Variants in ENO4 observed in about 807,000 individuals in gnomAD.
ENO4 encodes the protein enolase 4, also known as 2-phospho-D-glycerate hydro-lyase.
A neutral mutation model predicts 63.2 loss-of-function variants in ENO4; 53 were observed. That is an observed-to-expected ratio of 0.84 (90% CI 0.67 to 1.05). The LOEUF is 1.05. Ranked by LOEUF, ENO4 falls within the 50% of genes least tolerant of loss-of-function variation. The pLI, the probability that ENO4 is intolerant of heterozygous loss-of-function variation, is 0.00. For missense variants in ENO4, 719 were observed against 772.0 expected, an observed-to-expected ratio of 0.93 and a Z score of 0.81; for synonymous variants, 266 against 283.8, an observed-to-expected ratio of 0.94 and a Z score of 0.63.
intron 10 of ENO4, among the ~76,000 whole-genome samples, chr10:116,904,178 C>T (rs542749502): frequency 1.5e-4 from 23 of 152,256 alleles, no homozygotes; most frequent in Admixed American, 1.4e-3. Context: ...GAAAACCACC[C>T]CAGAGATTCA....
intron 1 of ENO4, among the ~76,000 whole-genome samples, chr10:116,855,367 A>C (rs1159153547): frequency 6.6e-6 from 1 of 152,048 alleles, no homozygotes; most frequent in South Asian, 2.1e-4. Context: ...TGAGAGTTCA[A>C]CATACACCAA....
intron 9 of ENO4, 40 bp downstream of exon 9, chr10:116,871,332 C>T (rs1486279881): frequency 1.4e-6 from 2 of 1,479,344 alleles, no homozygotes; most frequent in Admixed American, 4.5e-5. Context: ...CTATTGAGAT[C>T]CATGATTTTT....
chr10:116,886,310 G>T, downstream of ENO4: 1 of 1,551,508 alleles, frequency 6.4e-7, no homozygotes, highest in Non-Finnish European at 8.7e-7. Context: ...TATTGAAAAG[G>T]ACTTCCAAAC....
rs1846390265 is a variant in ENO4, at chr10:116,860,859, G to A, written c.700G>A (p.Gly234Ser). The A allele has an allele frequency of 6.5e-7, 1 of 1,549,238 alleles. No individual in the cohort carries two copies. Among genetic ancestry groups the A allele is most frequent in the East Asian group, 2.4e-5 (1 of 40,890 alleles). Residue 234 changes from glycine to serine, a missense_variant, in exon 5 of 14, where the codon GGC (glycine) becomes AGC (serine). This residue lies in a region of ENO4 where 544 missense variants were observed against 583.6 expected (regional missense o/e 0.93). Transcript: ENST00000341276. Reference protein sequence around the residue: ...PAEPVEPVLSGSMAIGAVSLA... With the variant: ...PAEPVEPVLSSSMAIGAVSLA... ...AGAGCCTGTTGAGCCTGTACTCAGTGGCAGTATGGCCATAGGGGCCGTGTC... is the reference window on the plus strand; with the variant it reads ...AGAGCCTGTTGAGCCTGTACTCAGTAGCAGTATGGCCATAGGGGCCGTGTC...
At chr10:116,889,891 G>A (rs1161525554) in intron 10 of ENO4, among the ~76,000 whole-genome samples, 1 of 152,140 alleles carries the variant, frequency 6.6e-6, no homozygotes, top group Non-Finnish European at 1.5e-5. Flanking sequence ...GACATCACTA[G>A]GTCCACTCTT....
chr10:116,892,461 A>C (rs1847368405), intron 10 of ENO4, among the ~76,000 whole-genome samples: 1 of 152,202 alleles, frequency 6.6e-6, no homozygotes, highest in Non-Finnish European at 1.5e-5. Context: ...AAATCCACTC[A>C]GATTCCAGCT....
At chr10:116,868,389 C>T (rs1288416181) in intron 7 of ENO4, among the ~76,000 whole-genome samples, 2 of 152,172 alleles carry the variant, frequency 1.3e-5, no homozygotes, top group East Asian at 1.9e-4. Context: ...TGTACACACA[C>T]CCCATATATG....
chr10:116,898,119 G>A (rs558514732), intron 10 of ENO4, among the ~76,000 whole-genome samples: 2 of 152,212 alleles, frequency 1.3e-5, no homozygotes, highest in Admixed American at 6.5e-5. Flanking sequence ...CCTGAGGTCA[G>A]GAGTTCAAGA....
chr10:116,911,176 C>A (rs991555201), intron 10 of ENO4, among the ~76,000 whole-genome samples: 7 of 152,142 alleles, frequency 4.6e-5, no homozygotes, highest in African/African-American at 1.7e-4. Flanking sequence ...CTGGAGAGTG[C>A]AGTAGCCGCT....
At chr10:116,863,554 T>C (rs1463292304) in intron 7 of ENO4, among the ~76,000 whole-genome samples, 1 of 152,234 alleles carries the variant, frequency 6.6e-6, no homozygotes, top group Non-Finnish European at 1.5e-5. Context: ...GTCCTTTTTC[T>C]GTTCTAGGAT....
At position 116,859,230 on chromosome 10, in the gene ENO4, T is replaced by C. The variant is rs1846347138; in HGVS notation, c.634+92T>C. ...GGACTGCCTTTCTGAGTCTCTTGGC[T>C]ACAGGCCTACTTTGGGCTCACGGCT... On this transcript the variant is annotated intron_variant, in intron 4 of 13. Transcript: ENST00000341276. 12 of 1,383,140 alleles carry C rather than the reference T, an allele frequency of 8.7e-6. No individual in the cohort carries two copies. The South Asian group carries it at 1.9e-4, about 22-fold the overall frequency. The allele number at this position is 1,383,140 out of a possible 1,614,324, so 85.7% of individuals were successfully genotyped here.
intron 11 of ENO4, among the ~76,000 whole-genome samples, chr10:116,877,436 A>G (rs888124258): frequency 6.6e-6 from 1 of 152,206 alleles, no homozygotes; most frequent in Non-Finnish European, 1.5e-5. Flanking sequence ...AGGAGGGATC[A>G]GAATTTGGAA....
chr10:116,906,507 C>T (rs1847977013), intron 10 of ENO4: 1 of 1,010,910 alleles, frequency 9.9e-7, no homozygotes, highest in Middle Eastern at 2.6e-4. Flanking sequence ...ACTTCTCACT[C>T]ACATTAAAAA....
intron 10 of ENO4, among the ~76,000 whole-genome samples, chr10:116,899,647 T>G (rs764407551): frequency 1.3e-5 from 2 of 152,120 alleles, no homozygotes; most frequent in Non-Finnish European, 2.9e-5. Context: ...CAAGAGCCAA[T>G]AGCGCCACTC....
At chr10:116,880,632 G>GT (rs1335581101) in intron 13 of ENO4, among the ~76,000 whole-genome samples, 1 of 152,162 alleles carries the variant, frequency 6.6e-6, no homozygotes, top group African/African-American at 2.4e-5. Context: ...CATGTTTAAC[G>GT]TATGTAGCGG....
At position 116,905,230 on chromosome 10, in the gene ENO4, T is replaced by C. The variant is rs866763977; in HGVS notation, c.1195-6269T>C. On this transcript the variant is annotated intron_variant, in intron 10 of 10. Transcript: ENST00000369207. ...TCTCAAAAAAAAAAAAAAAAAAAAA[T>C]AGCAGTGTTTACATGAGCACTTTAA... 4.2e-3 allele frequency among the ~76,000 whole-genome samples: 559 copies of C among 134,034 alleles called. 2 individuals are homozygous for C. The highest frequency in any genetic ancestry group is 0.011 in the African/African-American group (401 of 34,922). 87.9% of individuals were successfully genotyped at this position (134,034 alleles called of 152,430 possible).
intron 11 of ENO4, 35 bp downstream of exon 11, chr10:116,876,295 G>T: frequency 6.8e-7 from 1 of 1,469,422 alleles, no homozygotes; most frequent in South Asian, 1.4e-5. Context: ...GACTCGTAAT[G>T]ACTTGGTTAT....
rs1185737561 is a variant in ENO4, at chr10:116,879,942, G to A, written c.1679G>A (p.Arg560His). ...SRGERVTKYN[R>H]LLTIEEELVQ... is the part of the protein sequence containing the mutation. The stretch of plus-strand genomic sequence containing the variant: ...GGTGAACGAGTGACTAAATACAACC[G>A]CCTTCTCACTATAGAGGAAGAACTT... The change falls in exon 13 of 14, where the codon CGC becomes CAC. Residue 560 changes from arginine (R) to histidine (H), a missense_variant. By Grantham distance (29) the Arg-to-His change is conservative. Coordinates refer to ENST00000341276, the MANE Select transcript of ENO4 (RefSeq NM_001242699.2). The A allele has an allele frequency of 3.9e-6, 6 of 1,550,730 alleles. No homozygotes were observed. Among genetic ancestry groups the A allele is most frequent in the South Asian group, 3.6e-5 (3 of 84,004 alleles).
Position 116,879,894 on chromosome 10 carries a change from T to C in ENO4, c.1631T>C (p.Ile544Thr). 6.4e-7 allele frequency: 1 copy of C among 1,550,514 alleles called. No individual in the cohort carries two copies. Among genetic ancestry groups the C allele is most frequent in the East Asian group, 2.4e-5 (1 of 40,884 alleles). The change falls in exon 13 of 14, where the codon ATC becomes ACC. Residue 544 changes from isoleucine to threonine, a missense_variant. Around this residue, in one of 3 missense-constraint regions of ENO4, gnomAD observed 168 missense variants for 163.3 expected, o/e 1.03. Transcript: ENST00000341276. ...GCTGTTGGGCTTGGTGTCCGGTTCA[T>C]CAAGTTGGGGGGTCTTTCCCGTGGT... ...DLAVGLGVRF[I>T]KLGGLSRGER...
Sources: allele counts gnomAD v4.1 joint callset (sites outside exome capture counted in the v4.1 genomes callset), GRCh38; gene constraint gnomAD v4.1.1; regional missense constraint gnomAD v4.1.1; transcripts MANE v1.5; gene names NCBI Gene and HGNC (gene_info 2026-07-23, HGNC 2026-07-21).